JAZF1: variants seen among roughly 807,000 people sequenced by gnomAD.
JAZF1 encodes the protein juxtaposed with another zinc finger protein 1.
JAZF1 carries 8 observed loss-of-function variants against 26.4 expected under a neutral mutation model. That is an observed-to-expected ratio of 0.30 (90% CI 0.18 to 0.55). The LOEUF is 0.55. Among genes scored for constraint, JAZF1 ranks in the 20% least tolerant of loss-of-function variants. The probability of loss-of-function intolerance (pLI) is 0.94; values close to 1 mark genes in which losing one functional copy is unlikely to be tolerated. For synonymous variants in JAZF1, 126 were observed against 122.3 expected (o/e 1.03, Z -0.20); for missense variants, 199 against 322.0 (o/e 0.62, Z 2.92).
intron 1 of JAZF1, among the ~76,000 whole-genome samples, chr7:28,061,003 A>C (rs947615397): frequency 3.3e-4 from 51 of 152,326 alleles, no homozygotes; most frequent in African/African-American, 1.2e-3. Context: ...GAGCTTTGAA[A>C]CTAGTGCCTG....
At chr7:27,903,493 C>T (rs1784201416) in intron 2 of JAZF1, among the ~76,000 whole-genome samples, 1 of 152,210 alleles carries the variant, frequency 6.6e-6, no homozygotes, top group Non-Finnish European at 1.5e-5. Flanking sequence ...CTGTGCCCGG[C>T]CCAGGCATCT....
intron 1 of JAZF1, among the ~76,000 whole-genome samples, chr7:28,134,466 C>CT (rs11301719): frequency 0.011 from 1,493 of 133,138 alleles, 13 homozygotes; most frequent in Non-Finnish European, 0.015. Flanking sequence ...GCATGCCTAG[C>CT]TTTTTTTTTT....
intron 1 of JAZF1, among the ~76,000 whole-genome samples, chr7:28,154,155 G>C (rs1049600527): frequency 2.0e-5 from 3 of 152,160 alleles, no homozygotes; most frequent in Admixed American, 6.5e-5. Context: ...AACCCATGAG[G>C]GTAACTGGCT....
chr7:28,083,644 G>A (rs1784171141), intron 1 of JAZF1, among the ~76,000 whole-genome samples: 1 of 152,016 alleles, frequency 6.6e-6, no homozygotes, highest in Admixed American at 6.6e-5. Flanking sequence ...AAAATGCAGT[G>A]CTACAAACTT....
chr7:28,055,707 C>T (rs1354598955), intron 1 of JAZF1, among the ~76,000 whole-genome samples: 1 of 152,154 alleles, frequency 6.6e-6, no homozygotes, highest in Non-Finnish European at 1.5e-5. Context: ...CTTGGAAGAG[C>T]GGCTGGCACA....
intron 1 of JAZF1, among the ~76,000 whole-genome samples, chr7:28,171,510 G>A (rs954319215): frequency 1.3e-5 from 2 of 152,280 alleles, no homozygotes; most frequent in African/African-American, 4.8e-5. Flanking sequence ...AGTTTCTGGG[G>A]GAGGAAACAG....
At chr7:27,988,880 CT>C (rs1375708665) in intron 2 of JAZF1, among the ~76,000 whole-genome samples, 1 of 114,338 alleles carries the variant, frequency 8.7e-6, no homozygotes, top group Non-Finnish European at 1.7e-5. Flanking sequence ...TAATATAATT[CT>C]TTTATGTTGT....
chr7:27,834,160 G>C (rs921450314), intron 4 of JAZF1, among the ~76,000 whole-genome samples: 8 of 152,192 alleles, frequency 5.3e-5, no homozygotes, highest in African/African-American at 1.9e-4. Context: ...CCAGAAAACA[G>C]CTCCCTGCTG....
At chr7:27,961,501 A>G (rs1270087959) in intron 2 of JAZF1, among the ~76,000 whole-genome samples, 1 of 152,220 alleles carries the variant, frequency 6.6e-6, no homozygotes, top group Non-Finnish European at 1.5e-5. Context: ...AACTGGGAGA[A>G]GCTGGTTTCT....
At chr7:27,970,507 C>T (rs552560878) in intron 2 of JAZF1, among the ~76,000 whole-genome samples, 5 of 152,218 alleles carry the variant, frequency 3.3e-5, no homozygotes, top group South Asian at 2.1e-4. Context: ...AGCCTGTAAC[C>T]GAAATGTAGC....
chr7:27,840,472 G>C lies in JAZF1; in HGVS notation c.555+226C>G, dbSNP rs557746829. 2.0e-5 allele frequency among the ~76,000 whole-genome samples: 3 copies of C among 152,232 alleles called. No homozygotes were observed. The highest frequency in any genetic ancestry group is 4.4e-5 in the Non-Finnish European group (3 of 68,030). On this transcript the variant is annotated intron_variant, in intron 4 of 4. Coordinates refer to ENST00000283928, the MANE Select transcript of JAZF1 (RefSeq NM_175061.4). The surrounding 1 kb of genome is among the most constrained non-coding windows in gnomAD (Gnocchi z 5.1). Reference sequence around the variant, plus strand: ...TCTCTCTTGACTGCCAGGCTCCCACGTAGGTGAGCAGAGGGGAAAGCCCCG... The same window carrying C: ...TCTCTCTTGACTGCCAGGCTCCCACCTAGGTGAGCAGAGGGGAAAGCCCCG...
At chr7:28,056,926 G>A (rs745497261) in intron 1 of JAZF1, among the ~76,000 whole-genome samples, 23 of 152,160 alleles carry the variant, frequency 1.5e-4, no homozygotes, top group Admixed American at 8.5e-4. Context: ...AATGTTTTGT[G>A]TCTTTAGGGG....
chr7:28,032,069 G>A (rs1448575917), intron 1 of JAZF1, among the ~76,000 whole-genome samples: 1 of 152,144 alleles, frequency 6.6e-6, no homozygotes, highest in Non-Finnish European at 1.5e-5. Flanking sequence ...AGTGAAGACT[G>A]GGGCTGGTTC....
chr7:28,110,521 AAAAGGAAAAGG>A (rs1562590956), intron 1 of JAZF1, among the ~76,000 whole-genome samples: 836 of 59,688 alleles, frequency 0.014, 38 homozygotes, highest in African/African-American at 0.034. Flanking sequence ...AAGGAAAAGG[AAAAGGAAAAGG>A]AAAGGAAAAG....
At chr7:27,953,040 A>G (rs17622806) in intron 2 of JAZF1, among the ~76,000 whole-genome samples, 32,765 of 152,208 alleles carry the variant, frequency 0.22, 3,960 homozygotes, top group South Asian at 0.28. Flanking sequence ...TATTAGTTAC[A>G]GCATTAGCAT....
chr7:27,843,284 C>T (rs990320265), intron 3 of JAZF1: 2 of 152,244 alleles, frequency 1.3e-5, no homozygotes, highest in East Asian at 3.8e-4. Flanking sequence ...CAGAGAACAT[C>T]AACACAGACC....
At chr7:28,016,614 T>C (rs921219377) in intron 1 of JAZF1, among the ~76,000 whole-genome samples, 2 of 152,066 alleles carry the variant, frequency 1.3e-5, no homozygotes, top group African/African-American at 4.8e-5. Context: ...TACTGGTTTG[T>C]TTTCTAGACC....
intron 1 of JAZF1, among the ~76,000 whole-genome samples, chr7:28,050,047 G>A (rs1315477062): frequency 2.0e-5 from 3 of 152,084 alleles, no homozygotes; most frequent in African/African-American, 7.2e-5. Context: ...CTGGTGGCCA[G>A]CCCCATTCAG....
intron 1 of JAZF1, among the ~76,000 whole-genome samples, chr7:28,044,979 A>C (rs577294874): frequency 3.2e-4 from 49 of 152,288 alleles, no homozygotes; most frequent in Middle Eastern, 3.4e-3. Context: ...ACCCTAAAAG[A>C]GATGAAATTT....
Sources: gnomAD v4.1 joint callset for allele counts (sites outside exome capture counted in the v4.1 genomes callset) on GRCh38, gnomAD v4.1.1 for gene constraint, Gnocchi (gnomAD v3.1) non-coding constraint, MANE v1.5 for transcripts, NCBI Gene and HGNC (gene_info 2026-07-23, HGNC 2026-07-21) for gene names.